The following PACRGL variants were observed in gnomAD, a reference collection of about 807,000 sequenced individuals.
PACRGL encodes parkin coregulated like.
In PACRGL, 38 loss-of-function variants were observed where a neutral mutation model predicts 34.5. The observed-to-expected ratio is 1.10, with a 90% CI of 0.85 to 1.44. The LOEUF (loss-of-function observed/expected upper bound fraction) is 1.44, where lower values mean the gene tolerates loss of function less well. Among genes scored for constraint, PACRGL ranks in the 40% most tolerant of loss-of-function variants. The pLI, the probability that PACRGL is intolerant of heterozygous loss-of-function variation, is 0.00. For missense variants in PACRGL, 305 were observed against 281.4 expected (o/e 1.08, Z -0.60); for synonymous variants, 128 against 100.1 (o/e 1.28, Z -1.66).
At chr4:20,721,063 A>C (rs990043653) in intron 7 of PACRGL, among the ~76,000 whole-genome samples, 2 of 151,754 alleles carry the variant, frequency 1.3e-5, no homozygotes, top group Admixed American at 6.6e-5. Context: ...TTCTCGCTTC[A>C]TTTCATTCAT....
intron 8 of PACRGL, among the ~76,000 whole-genome samples, chr4:20,744,394 T>C (rs562010774): frequency 1.3e-5 from 2 of 151,512 alleles, no homozygotes; most frequent in East Asian, 1.9e-4. Flanking sequence ...ATTAAGAAAA[T>C]GTGGCACATA....
chr4:20,741,480 A>T (rs1424588685), intron 8 of PACRGL, among the ~76,000 whole-genome samples: 3 of 152,242 alleles, frequency 2.0e-5, no homozygotes, highest in Non-Finnish European at 4.4e-5. Flanking sequence ...CTGGGTAGAT[A>T]ATGAAATGAA....
In PACRGL at chr4:20,744,272, G is replaced by A. The variant is rs181046574; in HGVS notation, c.*57-8293G>A. Among the ~76,000 whole-genome samples, 596 of 152,280 alleles carry A rather than the reference G, an allele frequency of 3.9e-3. 6 individuals carry two copies. The highest frequency in any genetic ancestry group is 0.013 in the African/African-American group (559 of 41,544). On this transcript the variant is annotated intron_variant, in intron 8 of 8. Coordinates refer to the PACRGL transcript ENST00000507634. ...TCCCATTACTGGGTATACACCCAAA[G>A]GATTATAAATCATGCTGCTTTAAAG...
rs762333230 is a variant in PACRGL at position 20,730,538 on chromosome 4, T to C, written c.*3197T>C. ...TACAGGTACAAGGAAAATTTGTGTG[T>C]ATGAGCCAGCAGTTCATGAAGATTG... On this transcript the variant is annotated 3_prime_UTR_variant, in exon 9 of 9. Coordinates refer to ENST00000503585, the MANE Select transcript of PACRGL (RefSeq NM_001258345.3). Among the ~76,000 whole-genome samples the C allele has an allele frequency of 5.3e-5, 8 of 151,898 alleles. No individual in the cohort carries two copies. Among genetic ancestry groups the C allele is most frequent in the Non-Finnish European group, 8.8e-5 (6 of 68,032 alleles).
intron 8 of PACRGL, among the ~76,000 whole-genome samples, chr4:20,741,657 G>A (rs1377547807): frequency 6.6e-6 from 1 of 152,174 alleles, no homozygotes; most frequent in African/African-American, 2.4e-5. Context: ...ACAATTAAAA[G>A]AAGTAGAGAA....
intron 4 of PACRGL, among the ~76,000 whole-genome samples, chr4:20,708,240 A>T (rs1578150193): frequency 6.6e-6 from 1 of 152,170 alleles, no homozygotes; most frequent in East Asian, 1.9e-4. Context: ...TTCATAATAA[A>T]TACATATGGC....
At chr4:20,734,522 G>C, downstream of PACRGL, 10 of 550,840 alleles carry the variant, frequency 1.8e-5, no homozygotes, top group Non-Finnish European at 2.8e-5. Context: ...AAATATTTTG[G>C]AATTTCCTCA....
At chr4:20,749,774 A>G in intron 8 of PACRGL, 1 of 1,343,926 alleles carries the variant, frequency 7.4e-7, no homozygotes, top group East Asian at 2.3e-5. Flanking sequence ...CAGTGTTTCC[A>G]TATCCTACAT....
downstream of PACRGL, among the ~76,000 whole-genome samples, chr4:20,755,966 G>T (rs986413799): frequency 2.0e-5 from 3 of 152,094 alleles, no homozygotes; most frequent in Non-Finnish European, 2.9e-5. Flanking sequence ...AGGCCACTCT[G>T]TAGGTTGTGG....
intron 2 of PACRGL, 58 bp from the exon 3 acceptor site, chr4:20,704,602 T>C: frequency 6.2e-7 from 1 of 1,613,422 alleles, no homozygotes. Context: ...TACAGATGGA[T>C]GCAGGGTGAA....
At position 20,729,926 on chromosome 4, in the gene PACRGL, A is replaced by G. The variant is rs1747533576; in HGVS notation, c.*2585A>G. Reference sequence around the variant, plus strand: ...ATGCAAATTTATAACTGAAAGCTCAAATCTTTTGGGGATTGCTTTATATTA... The same window carrying G: ...ATGCAAATTTATAACTGAAAGCTCAGATCTTTTGGGGATTGCTTTATATTA... On this transcript the variant is annotated 3_prime_UTR_variant, in exon 9 of 9. Transcript: ENST00000503585. The G allele has an allele frequency of 2.4e-6, 2 of 816,574 alleles. No homozygotes were observed. The highest frequency in any genetic ancestry group is 3.5e-6 in the Non-Finnish European group (2 of 572,396). 50.6% of individuals were successfully genotyped at this position (816,574 alleles called of 1,614,324 possible). A position where few individuals can be genotyped will look rare whatever the true frequency, so the allele number is the denominator to read the frequency against.
In PACRGL at chr4:20,730,387, A is replaced by ATTAATAGAGGATAT. The variant is rs772280022; in HGVS notation, c.*3049_*3062dup. On this transcript the variant is annotated 3_prime_UTR_variant, in exon 9 of 9. Transcript: ENST00000503585. Reference sequence around the variant, plus strand: ...CACTTTATTTAAATCTTTACTTGGTATTAATAGAGGATATTTCTCAAATCA... The same window carrying ATTAATAGAGGATAT: ...CACTTTATTTAAATCTTTACTTGGTATTAATAGAGGATATTTAATAGAGGATATTTCTCAAATCA... Among the ~76,000 whole-genome samples, 5 of 152,196 alleles carry ATTAATAGAGGATAT rather than the reference A, an allele frequency of 3.3e-5. No homozygotes were observed. Among genetic ancestry groups the ATTAATAGAGGATAT allele is most frequent in the Non-Finnish European group, 5.9e-5 (4 of 68,046 alleles).
At chr4:20,763,592 G>T in the PACRGL span, among the ~76,000 whole-genome samples, 1 of 152,172 alleles carries the variant, frequency 6.6e-6, no homozygotes, top group Non-Finnish European at 1.5e-5. Flanking sequence ...TAAGAAGTCT[G>T]GTATGGCCAG....
downstream of PACRGL, among the ~76,000 whole-genome samples, chr4:20,735,038 G>T (rs1277329130): frequency 6.6e-6 from 1 of 152,126 alleles, no homozygotes; most frequent in African/African-American, 2.4e-5. Context: ...CACTGCAAGT[G>T]CACATGATTT....
In PACRGL at chr4:20,740,820, A is replaced by G. The variant is rs1325864877; in HGVS notation, c.*57-11745A>G. Reference sequence around the variant, plus strand: ...GATCCATCAGTGTGCTGTATTCAGGAGACCCATCTCGCCTGCAGAGACAAA... The same window carrying G: ...GATCCATCAGTGTGCTGTATTCAGGGGACCCATCTCGCCTGCAGAGACAAA... On this transcript the variant is annotated intron_variant, in intron 8 of 8. Transcript: ENST00000507634. Among the ~76,000 whole-genome samples, 9 of 152,338 alleles carry G rather than the reference A, an allele frequency of 5.9e-5. No homozygotes were observed. The East Asian group carries it at 1.7e-3, about 29-fold the overall frequency.
At chr4:20,715,278 T>G (rs1297709374) in intron 7 of PACRGL, among the ~76,000 whole-genome samples, 1 of 150,866 alleles carries the variant, frequency 6.6e-6, no homozygotes, top group African/African-American at 2.4e-5. Context: ...TGTTGTGGGG[T>G]GGGAGTAGTG....
At chr4:20,707,265 G>T (rs1254747827) in intron 3 of PACRGL, among the ~76,000 whole-genome samples, 2,487 of 152,144 alleles carry the variant, frequency 0.016, 1 homozygote, top group African/African-American at 0.057. Context: ...TTCATATATA[G>T]CAAAACTGAA....
rs1342354157 is a variant in PACRGL, at chr4:20,729,275, T to C, written c.*1934T>C. ...GACCCTTTGCATATGTCTGTAAACA[T>C]CCTTGTTTTGTTTGATGCCTTCTTC... is the stretch of plus-strand genomic sequence containing the variant. On this transcript the variant is annotated 3_prime_UTR_variant, in exon 9 of 9. Coordinates refer to ENST00000503585, the MANE Select transcript of PACRGL (RefSeq NM_001258345.3). The C allele has an allele frequency of 6.6e-6, 1 of 152,014 alleles. No homozygotes were observed. The highest frequency in any genetic ancestry group is 1.5e-5 in the Non-Finnish European group (1 of 68,004). 9.4% of individuals were successfully genotyped at this position (152,014 alleles called of 1,614,324 possible). A position where few individuals can be genotyped will look rare whatever the true frequency, so the allele number is the denominator to read the frequency against.
At chr4:20,707,483 T>C (rs1489924745) in intron 3 of PACRGL, among the ~76,000 whole-genome samples, 2 of 152,232 alleles carry the variant, frequency 1.3e-5, no homozygotes, top group African/African-American at 4.8e-5. Context: ...AAAACAAATA[T>C]ACTTTTTCTG....
Sources: allele counts gnomAD v4.1 joint callset (sites outside exome capture counted in the v4.1 genomes callset), GRCh38; gene constraint gnomAD v4.1.1; transcripts MANE v1.5; gene names NCBI Gene and HGNC (gene_info 2026-07-23, HGNC 2026-07-21).